OPCML: variants seen among roughly 807,000 people sequenced by gnomAD.
The protein encoded by OPCML is opioid binding protein/cell adhesion molecule like.
In OPCML, 13 loss-of-function variants were observed where a neutral mutation model predicts 37.8. The observed-to-expected ratio is 0.34, with a 90% CI of 0.22 to 0.55. The LOEUF (loss-of-function observed/expected upper bound fraction) is 0.55. Ranked by LOEUF, OPCML falls within the 20% of genes least tolerant of loss-of-function variation. The probability of loss-of-function intolerance (pLI) is 0.91; values close to 1 mark genes in which losing one functional copy is unlikely to be tolerated. For synonymous variants in OPCML, 176 were observed against 168.8 expected (o/e 1.04, Z -0.33); for missense variants, 341 against 435.6 (o/e 0.78, Z 1.93).
intron 2 of OPCML, among the ~76,000 whole-genome samples, chr11:132,875,685 AACTC>A (rs1942982655): frequency 6.6e-6 from 1 of 152,080 alleles, no homozygotes; most frequent in Admixed American, 6.5e-5. Flanking sequence ...GCTGGTCTCG[AACTC>A]ACGACCTCAG....
At chr11:132,486,179 C>A (rs946612764) in intron 4 of OPCML, among the ~76,000 whole-genome samples, 3 of 152,302 alleles carry the variant, frequency 2.0e-5, no homozygotes, top group East Asian at 1.9e-4. Flanking sequence ...CTCCTCATGT[C>A]TCATACAATT....
intron 3 of OPCML, among the ~76,000 whole-genome samples, chr11:132,561,743 A>G (rs922409148): frequency 2.0e-5 from 3 of 152,266 alleles, no homozygotes; most frequent in African/African-American, 7.2e-5. Context: ...AGAAAGAGAC[A>G]TAACTGTTAA....
intron 1 of OPCML, among the ~76,000 whole-genome samples, chr11:133,335,185 C>T (rs1943716460): frequency 6.6e-6 from 1 of 152,188 alleles, no homozygotes; most frequent in Non-Finnish European, 1.5e-5. Context: ...CAGCTTTAAT[C>T]CTTACAACCA....
At chr11:132,894,118 C>T (rs146257699) in intron 2 of OPCML, among the ~76,000 whole-genome samples, 3 of 152,220 alleles carry the variant, frequency 2.0e-5, no homozygotes, top group Admixed American at 1.3e-4. Flanking sequence ...CCATTCAGTC[C>T]TCAGTCTACT....
chr11:133,277,147 CT>C (rs1942017182), intron 1 of OPCML, among the ~76,000 whole-genome samples: 1 of 152,176 alleles, frequency 6.6e-6, no homozygotes, highest in Non-Finnish European at 1.5e-5. Flanking sequence ...TCCCAGACTC[CT>C]TTCTGTCCTT....
intron 1 of OPCML, among the ~76,000 whole-genome samples, chr11:133,337,071 G>A (rs1943759709): frequency 6.6e-6 from 1 of 152,216 alleles, no homozygotes; most frequent in Non-Finnish European, 1.5e-5. Context: ...CAAAAGAGAA[G>A]CGCGCAACCC....
At chr11:133,002,778 AG>A (rs56076345) in intron 1 of OPCML, among the ~76,000 whole-genome samples, 125,416 of 148,736 alleles carry the variant, frequency 0.84, 52,959 homozygotes, top group African/African-American at 0.95. Flanking sequence ...AAGGAAAGAG[AG>A]GGGGGGGTGG....
intron 1 of OPCML, among the ~76,000 whole-genome samples, chr11:133,153,832 G>A (rs146515158): frequency 7.4e-4 from 113 of 152,258 alleles, no homozygotes; most frequent in East Asian, 5.2e-3. Context: ...CCCCACAGAT[G>A]TGAAGTATCA....
At chr11:132,689,603 T>G (rs1943318568) in intron 2 of OPCML, among the ~76,000 whole-genome samples, 1 of 152,234 alleles carries the variant, frequency 6.6e-6, no homozygotes, top group Non-Finnish European at 1.5e-5. Context: ...AAATTGATAT[T>G]TAACATCTCT....
chr11:133,389,359 A>T (rs927504600), intron 1 of OPCML, among the ~76,000 whole-genome samples: 5 of 152,218 alleles, frequency 3.3e-5, no homozygotes, highest in Admixed American at 6.5e-5. Flanking sequence ...GAGAATACAC[A>T]GTCCTACCTG....
chr11:132,870,676 G>A (rs1336497325), intron 2 of OPCML, among the ~76,000 whole-genome samples: 1 of 152,136 alleles, frequency 6.6e-6, no homozygotes, highest in Non-Finnish European at 1.5e-5. Context: ...ACAGACGAAT[G>A]GGTGAGGAAA....
chr11:132,876,436 T>C (rs1207616028), intron 2 of OPCML, among the ~76,000 whole-genome samples: 1 of 152,156 alleles, frequency 6.6e-6, no homozygotes, highest in African/African-American at 2.4e-5. Flanking sequence ...ACTCAGAATT[T>C]CACCTTGCAA....
At chr11:133,386,980 G>A (rs1377166236) in intron 1 of OPCML, among the ~76,000 whole-genome samples, 1 of 152,204 alleles carries the variant, frequency 6.6e-6, no homozygotes, top group Non-Finnish European at 1.5e-5. Flanking sequence ...GAGAAAACAG[G>A]CACTAAGGAC....
At chr11:133,441,053 C>T (rs1946356666) in intron 1 of OPCML, among the ~76,000 whole-genome samples, 2 of 151,508 alleles carry the variant, frequency 1.3e-5, no homozygotes, top group Non-Finnish European at 2.9e-5. Flanking sequence ...GAATAAGACA[C>T]TATTAAAATA....
chr11:133,162,370 G>C (rs1261531740), intron 1 of OPCML, among the ~76,000 whole-genome samples: 1 of 152,194 alleles, frequency 6.6e-6, no homozygotes, highest in Non-Finnish European at 1.5e-5. Context: ...GAATTTTGCT[G>C]TGCGGTTTCA....
At chr11:133,475,467 T>C (rs1206095788) in intron 1 of OPCML, among the ~76,000 whole-genome samples, 1 of 152,168 alleles carries the variant, frequency 6.6e-6, no homozygotes, top group Non-Finnish European at 1.5e-5. Context: ...ATCCAGCCTA[T>C]GCTCATGGAC....
chr11:133,530,579 G>T (rs1948585115), intron 1 of OPCML, among the ~76,000 whole-genome samples: 1 of 152,222 alleles, frequency 6.6e-6, no homozygotes, highest in Non-Finnish European at 1.5e-5. Context: ...GGCTCAGGCA[G>T]GTACTGAGTG....
chr11:132,812,090 C>G (rs1325582371), intron 2 of OPCML, among the ~76,000 whole-genome samples: 1 of 152,136 alleles, frequency 6.6e-6, no homozygotes, highest in Non-Finnish European at 1.5e-5. Context: ...AACTGTGCAC[C>G]AGCTTCTTCA....
chr11:133,037,727 T>G (rs1420086679), intron 1 of OPCML, among the ~76,000 whole-genome samples: 3 of 152,206 alleles, frequency 2.0e-5, no homozygotes, highest in Non-Finnish European at 2.9e-5. Flanking sequence ...AGGTCACTGT[T>G]ACCTTGCAAT....
Sources: allele counts gnomAD v4.1 joint callset (sites outside exome capture counted in the v4.1 genomes callset), GRCh38; gene constraint gnomAD v4.1.1; transcripts MANE v1.5; gene names NCBI Gene and HGNC (gene_info 2026-07-23, HGNC 2026-07-21).